The following LHFPL3 variants were observed in gnomAD, a reference collection of about 807,000 sequenced individuals.
LHFPL3 encodes LHFPL tetraspan subfamily member 3, also known as LHFPL tetraspan subfamily member 3 protein.
In LHFPL3, 5 loss-of-function variants were observed where a neutral mutation model predicts 19.3. That is an observed-to-expected ratio of 0.26 (90% confidence interval 0.14 to 0.54). The LOEUF (loss-of-function observed/expected upper bound fraction) is 0.54, where lower values mean the gene tolerates loss of function less well. LHFPL3 is among the 20% of genes least tolerant of loss of function. LHFPL3 has a pLI of 0.94. For synonymous variants in LHFPL3, 133 were observed against 126.2 expected, an observed-to-expected ratio of 1.05 and a Z score of -0.36; for missense variants, 249 against 307.4, an observed-to-expected ratio of 0.81 and a Z score of 1.42.
In LHFPL3 at chr7:104,417,004, C is replaced by T. The variant is rs750662320; in HGVS notation, c.445+87780C>T. ...TTCATGCAGACAGATACCTGGTGGC[C>T]GAATCCCTTCTCACTAGGCCCCACT... On this transcript the variant is annotated intron_variant, in intron 1 of 2. Transcript: ENST00000424859. Among the ~76,000 whole-genome samples, 97 of 152,154 alleles carry T rather than the reference C, an allele frequency of 6.4e-4. 1 individual carries two copies. The highest frequency in any genetic ancestry group is 6.5e-4 in the Admixed American group (10 of 15,280).
chr7:104,334,275 A>G (rs974958965), intron 1 of LHFPL3, among the ~76,000 whole-genome samples: 1 of 152,206 alleles, frequency 6.6e-6, no homozygotes, highest in African/African-American at 2.4e-5. Flanking sequence ...GGCTGGGTGC[A>G]GTGGCTCACA....
intron 2 of LHFPL3, among the ~76,000 whole-genome samples, chr7:104,787,963 C>T (rs1584534307): frequency 1.3e-5 from 2 of 152,274 alleles, no homozygotes; most frequent in African/African-American, 4.8e-5. Context: ...ATTAAAGGGG[C>T]TTGGAGAGAC....
At chr7:104,368,822 C>T (rs760834682) in intron 1 of LHFPL3, among the ~76,000 whole-genome samples, 7 of 152,156 alleles carry the variant, frequency 4.6e-5, no homozygotes, top group Admixed American at 1.3e-4. Context: ...TATTAAGCAT[C>T]TACTATATGC....
At chr7:104,642,555 AGTATAAGTT>A (rs1282588958) in intron 1 of LHFPL3, among the ~76,000 whole-genome samples, 4 of 152,184 alleles carry the variant, frequency 2.6e-5, no homozygotes, top group African/African-American at 9.7e-5. Context: ...TCTAGAGCTC[AGTATAAGTT>A]GTTTTTACAA....
intron 1 of LHFPL3, among the ~76,000 whole-genome samples, chr7:104,449,209 C>T (rs892670499): frequency 1.3e-5 from 2 of 152,178 alleles, no homozygotes; most frequent in South Asian, 4.1e-4. Flanking sequence ...GGATTTCTAA[C>T]AAAGCAATCC....
chr7:104,420,262 A>G (rs543923698), intron 1 of LHFPL3, among the ~76,000 whole-genome samples: 1 of 152,336 alleles, frequency 6.6e-6, no homozygotes, highest in South Asian at 2.1e-4. Flanking sequence ...AGACCCGCCT[A>G]CTGGCATTGG....
chr7:104,607,787 A>C (rs1791131787), intron 1 of LHFPL3, among the ~76,000 whole-genome samples: 1 of 152,222 alleles, frequency 6.6e-6, no homozygotes, highest in Admixed American at 6.5e-5. Flanking sequence ...CAATGAACTC[A>C]AACAAATTTA....
intron 1 of LHFPL3, among the ~76,000 whole-genome samples, chr7:104,386,847 A>G (rs1421294448): frequency 6.6e-6 from 1 of 152,172 alleles, no homozygotes; most frequent in African/African-American, 2.4e-5. Flanking sequence ...CAAAAACACA[A>G]AAGAGCACCA....
At chr7:104,752,282 T>A (rs899087272) in intron 2 of LHFPL3, among the ~76,000 whole-genome samples, 1 of 152,198 alleles carries the variant, frequency 6.6e-6, no homozygotes, top group African/African-American at 2.4e-5. Flanking sequence ...TGCTACATAT[T>A]CGCAATGTAA....
chr7:104,757,081 A>C (rs1794299626), intron 2 of LHFPL3, among the ~76,000 whole-genome samples: 1 of 152,218 alleles, frequency 6.6e-6, no homozygotes, highest in Non-Finnish European at 1.5e-5. Flanking sequence ...GATCTTCAAC[A>C]AAGTAGACAA....
chr7:104,705,358 T>C (rs1243691944), intron 1 of LHFPL3, among the ~76,000 whole-genome samples: 3 of 152,336 alleles, frequency 2.0e-5, no homozygotes, highest in South Asian at 4.1e-4. Flanking sequence ...TTATTTGTTC[T>C]ACCAGGTCTT....
intron 1 of LHFPL3, among the ~76,000 whole-genome samples, chr7:104,714,995 AG>A (rs539350215): frequency 4.4e-4 from 67 of 152,272 alleles, no homozygotes; most frequent in African/African-American, 1.6e-3. Context: ...AGAGAGAGAG[AG>A]AGAGAGATTA....
intron 1 of LHFPL3, among the ~76,000 whole-genome samples, chr7:104,561,700 T>G (rs1355981267): frequency 6.6e-6 from 1 of 152,008 alleles, no homozygotes; most frequent in Non-Finnish European, 1.5e-5. Flanking sequence ...TTAATATTGT[T>G]ATGTGTGAAT....
intron 2 of LHFPL3, among the ~76,000 whole-genome samples, chr7:104,823,357 T>C (rs1206932914): frequency 6.6e-6 from 1 of 152,154 alleles, no homozygotes; most frequent in African/African-American, 2.4e-5. Flanking sequence ...CTCAGTTTTT[T>C]CATCTCTAAA....
At chr7:104,507,819 A>C (rs1793729738) in intron 1 of LHFPL3, among the ~76,000 whole-genome samples, 1 of 122,956 alleles carries the variant, frequency 8.1e-6, no homozygotes, top group Non-Finnish European at 1.7e-5. Flanking sequence ...GACACTTCTC[A>C]AAAGAAGACA....
rs1241421675 is a variant in LHFPL3 at position 104,399,181 on chromosome 7, G to C, written c.445+69957G>C. Among the ~76,000 whole-genome samples the C allele has an allele frequency of 6.6e-6, 1 of 152,108 alleles. No homozygotes were observed. Among genetic ancestry groups the C allele is most frequent in the African/African-American group, 2.4e-5 (1 of 41,426 alleles). On this transcript the variant is annotated intron_variant, in intron 1 of 2. Transcript: ENST00000424859. The surrounding 1 kb of genome is among the most constrained non-coding windows in gnomAD (Gnocchi z 4.4). ...GTTTCAGTGAGCTGCCCCAGGAGCT[G>C]CCACCCCTGATGTCCTCTTACTTCC...
intron 1 of LHFPL3, among the ~76,000 whole-genome samples, chr7:104,346,345 T>C (rs1391789492): frequency 2.6e-5 from 4 of 151,966 alleles, no homozygotes; most frequent in Non-Finnish European, 5.9e-5. Flanking sequence ...GGTTTTTTTT[T>C]TTTTTTTTGG....
chr7:104,756,842 G>T (rs1794294245), intron 2 of LHFPL3, among the ~76,000 whole-genome samples: 1 of 152,120 alleles, frequency 6.6e-6, no homozygotes, highest in South Asian at 2.1e-4. Context: ...ATTCAGAAAA[G>T]CATTATTTGC....
chr7:104,523,030 ACACACATATG>A (rs925399313), intron 1 of LHFPL3, among the ~76,000 whole-genome samples: 3 of 151,652 alleles, frequency 2.0e-5, no homozygotes, highest in South Asian at 2.1e-4. Context: ...ATATACATAT[ACACACATATG>A]CACATTATAT....
Sources: allele counts gnomAD v4.1 joint callset (sites outside exome capture counted in the v4.1 genomes callset), GRCh38; gene constraint gnomAD v4.1.1; non-coding constraint Gnocchi (gnomAD v3.1); transcripts MANE v1.5; gene names NCBI Gene and HGNC (gene_info 2026-07-23, HGNC 2026-07-21).